Variants in RNF213 observed in about 807,000 individuals in gnomAD.
RNF213 encodes E3 ubiquitin-protein ligase RNF213.
A neutral mutation model predicts 514.4 loss-of-function variants in RNF213; 341 were observed. That is an observed-to-expected ratio of 0.66 (90% CI 0.61 to 0.73). RNF213 has a LOEUF of 0.73. Among genes scored for constraint, RNF213 ranks in the 30% least tolerant of loss-of-function variants. The pLI is 0.00. For missense variants in RNF213, 5,767 were observed against 6,615.6 expected (o/e 0.87, Z 4.45); for synonymous variants, 2,655 against 2,658.2 (o/e 1.00, Z 0.04).
At chr17:80,334,039 T>A in intron 21 of RNF213, 66 bp from the exon 22 acceptor site, 1 of 1,529,504 alleles carries the variant, frequency 6.5e-7, no homozygotes, top group Non-Finnish European at 8.8e-7. Flanking sequence ...GGTCAGTGCT[T>A]GCAGCTCACA....
At chr17:80,382,749 GA>G (rs1362556810) in intron 57 of RNF213, 2 of 444,532 alleles carry the variant, frequency 4.5e-6, no homozygotes, top group Non-Finnish European at 8.3e-6. Context: ...ATGGGTCTAA[GA>G]TTACAATTAT....
chr17:80,347,884 G>A lies in RNF213; in HGVS notation c.9549G>A (p.Trp3183Ter). Residue 3183 changes from tryptophan to a stop codon, truncating the protein, a stop_gained, in exon 29 of 68, where the codon TGG becomes TGA. Transcript: ENST00000582970. LOFTEE classifies it high-confidence loss of function. This position sits in a 1 kb window ranked among gnomAD's most constrained non-coding sequence, Gnocchi z 7.2. The part of the protein sequence containing the change: ...YLDINTVLEK[W>*]QKSIVEELCA... Reference sequence around the variant, plus strand: ...ATATCAACACGGTGCTGGAGAAATGGCAGAAGAGCATCGTGGAGGAGCTCT... The same window carrying A: ...ATATCAACACGGTGCTGGAGAAATGACAGAAGAGCATCGTGGAGGAGCTCT... 2 of 1,614,250 alleles carry A rather than the reference G, an allele frequency of 1.2e-6. No homozygotes were observed. The highest frequency in any genetic ancestry group is 1.7e-6 in the Non-Finnish European group (2 of 1,180,044).
intron 14 of RNF213, 27 bp from the exon 15 acceptor site, chr17:80,312,985 C>T (rs757641527): frequency 1.9e-6 from 3 of 1,613,478 alleles, no homozygotes; most frequent in Non-Finnish European, 2.5e-6. Flanking sequence ...CCGAGGATGA[C>T]TGACCCTCCC....
At position 80,363,205 on chromosome 17, in the gene RNF213, G is replaced by A. The variant is rs139929030; in HGVS notation, c.11459G>A (p.Arg3820His). 15 of 1,614,052 alleles carry A rather than the reference G, an allele frequency of 9.3e-6. No homozygotes were observed. Among genetic ancestry groups the A allele is most frequent in the Non-Finnish European group, 1.1e-5 (13 of 1,180,030 alleles). The change falls in exon 40 of 68, where the codon CGT (arginine) becomes CAT (histidine). Residue 3820 changes from arginine to histidine, a missense_variant. Physicochemically the swap from Arg to His is conservative, Grantham distance 29. Transcript: ENST00000582970. ...CCGTGGGTGCACCTTGCCTACCAGC[G>A]TTTCAGAAGCCGTCTGCAGAACTTT... ...SLPWVHLAYQ[R>H]FRSRLQNFSR...
rs115246536 is a variant in RNF213, at chr17:80,359,885, C to T, written c.11055-176C>T. ...AACAAAGATTGCATAAGACAGTTCCCTAGTTCTGTCATAACAGAAACCCTG... is the reference window on the plus strand; with the variant it reads ...AACAAAGATTGCATAAGACAGTTCCTTAGTTCTGTCATAACAGAAACCCTG... On this transcript the variant is annotated intron_variant, in intron 37 of 67. Transcript: ENST00000582970. 4.9e-3 allele frequency among the ~76,000 whole-genome samples: 749 copies of T among 152,304 alleles called. 3 individuals carry two copies. The highest frequency in any genetic ancestry group is 0.017 in the African/African-American group (706 of 41,560).
At chr17:80,291,522 C>A in intron 7 of RNF213, 106 bp from the exon 8 acceptor site, 1 of 1,170,080 alleles carries the variant, frequency 8.5e-7, no homozygotes, top group Non-Finnish European at 1.3e-6. Context: ...TGAACCCAGC[C>A]TTGCCACATC....
In RNF213 at chr17:80,287,966, CCCAGCAGAGTGGCCCCACTGG is replaced by C; in HGVS notation, c.419_439del (p.Gln140_Gln146del). ...GACACAGCCCTGCCCCACAGCCAAG[CCCAGCAGAGTGGCCCCACTGG>C]CCAGCCGAGCCAGCCCCCAGGCACA... On this transcript the variant is annotated inframe_deletion, in exon 4 of 68. Transcript: ENST00000582970. The C allele has an allele frequency of 6.4e-7, 1 of 1,573,972 alleles. No individual in the cohort carries two copies. The highest frequency in any genetic ancestry group is 8.6e-7 in the Non-Finnish European group (1 of 1,159,930).
rs1056261241 is a variant in RNF213 at position 80,339,586 on chromosome 17, A to G, written c.5219A>G (p.Asp1740Gly). 2.5e-5 allele frequency: 38 copies of G among 1,537,094 alleles called. 1 individual carries two copies. The Admixed American group carries it at 6.5e-4, about 26-fold the overall frequency. Residue 1740 changes from aspartate to glycine, a missense_variant, in exon 26 of 68, where the codon GAT becomes GGT. This residue lies in a region of RNF213 where 1,377 missense variants were observed against 1,635.2 expected (regional missense o/e 0.84). Coordinates refer to ENST00000582970, the MANE Select transcript of RNF213 (RefSeq NM_001256071.3). ...ATCAAAAGCAACTGCACCCTGAGGG[A>G]TGTCTTAAGGGCCTCTGTGGGGTGT... ...SFIKSNCTLR[D>G]VLRASVGCGS...
chr17:80,351,984 A>G, intron 32 of RNF213, 181 bp downstream of exon 32: 1 of 481,026 alleles, frequency 2.1e-6, no homozygotes, highest in Non-Finnish European at 3.8e-6. Context: ...CCTCCCAAGT[A>G]GCTGGCATTA....
At chr17:80,321,702 G>A (rs1347606820) in intron 17 of RNF213, among the ~76,000 whole-genome samples, 2 of 152,088 alleles carry the variant, frequency 1.3e-5, no homozygotes, top group African/African-American at 4.8e-5. Context: ...ATCCTGGTGG[G>A]TATGAAGTGG....
In RNF213 at chr17:80,381,513, C is replaced by G. The variant is rs376547997; in HGVS notation, c.13798-34C>G. On this transcript the variant is annotated intron_variant, in intron 56 of 67. Coordinates refer to ENST00000582970, the MANE Select transcript of RNF213 (RefSeq NM_001256071.3). The stretch of plus-strand genomic sequence containing the variant: ...TCACCATCTTCTCTACAAACCAGAT[C>G]CCCGCTGAACACTCTGTTCCGTTGC... 4.0e-5 allele frequency: 64 copies of G among 1,610,516 alleles called. No homozygotes were observed. The African/African-American group carries it at 6.9e-4, about 17-fold the overall frequency.
chr17:80,337,441 G>C, intron 23 of RNF213, 145 bp from the exon 24 acceptor site: 1 of 1,047,786 alleles, frequency 9.5e-7, no homozygotes. Context: ...CTGGGGCGCT[G>C]GGTGGGCGAC....
chr17:80,335,210 G>A (rs995494869), intron 22 of RNF213, among the ~76,000 whole-genome samples: 8 of 152,180 alleles, frequency 5.3e-5, no homozygotes, highest in South Asian at 2.1e-4. Context: ...AAGTACAGGC[G>A]TGAGCCACCG....
chr17:80,385,521 A>G lies in RNF213; in HGVS notation c.14456-17A>G. ...GGTTGCTATCATACGGTTCTTACCA[A>G]GTATTCTGTTCAACAGATGGGTTGA... On this transcript the variant is annotated splice_polypyrimidine_tract_variant and intron_variant, in intron 60 of 67. Transcript: ENST00000582970. 1 of 1,612,382 alleles carries G rather than the reference A, an allele frequency of 6.2e-7. No individual in the cohort carries two copies. The highest frequency in any genetic ancestry group is 8.5e-7 in the Non-Finnish European group (1 of 1,178,450).
chr17:80,380,760 G>A, intron 55 of RNF213, 71 bp from the exon 56 acceptor site: 1 of 1,562,660 alleles, frequency 6.4e-7, no homozygotes, highest in Non-Finnish European at 8.8e-7. Flanking sequence ...CTCACTCCAA[G>A]TGCTGAGAAA....
rs149665301 is a variant in RNF213 at position 80,305,457 on chromosome 17, C to T, written c.2211-795C>T. On this transcript the variant is annotated intron_variant, in intron 11 of 67. Coordinates refer to ENST00000582970, the MANE Select transcript of RNF213 (RefSeq NM_001256071.3). Reference sequence around the variant, plus strand: ...CCTCCCAAAGTGCTGGGATTACAGACGTGAGCCACTGCGCCCGGCCTGATT... The same window carrying T: ...CCTCCCAAAGTGCTGGGATTACAGATGTGAGCCACTGCGCCCGGCCTGATT... Among the ~76,000 whole-genome samples, 524 of 151,932 alleles carry T rather than the reference C, an allele frequency of 3.4e-3. 4 individuals carry two copies. The highest frequency in any genetic ancestry group is 0.012 in the African/African-American group (499 of 41,440).
At chr17:80,341,755 A>G (rs1359452723) in intron 26 of RNF213, 1 of 152,206 alleles carries the variant, frequency 6.6e-6, no homozygotes, top group Non-Finnish European at 1.5e-5. Flanking sequence ...AAAGAGAAAG[A>G]AAGAAAGAAC....
At chr17:80,318,763 C>T (rs181691413) in intron 16 of RNF213, among the ~76,000 whole-genome samples, 23 of 152,040 alleles carry the variant, frequency 1.5e-4, no homozygotes, top group South Asian at 6.2e-4. Context: ...TTTGTAGAGA[C>T]GGGGTTTCAC....
In RNF213 at chr17:80,340,005, C is replaced by T. The variant is rs538606943; in HGVS notation, c.5638C>T (p.Arg1880Cys). ...TGAGGAGGTGGCACTGTTGCTGCGC[C>T]GCTGCCTGACCCTGGGCTCCCTGGG... The part of the protein sequence containing the change: ...TFEEVALLLR[R>C]CLTLGSLGHK... The change falls in exon 26 of 68, where the codon CGC becomes TGC. Residue 1880 changes from arginine (R) to cysteine (C), a missense_variant. Physicochemically the swap from Arg to Cys is radical, Grantham distance 180. This residue lies in a region of RNF213 where 1,377 missense variants were observed against 1,635.2 expected (regional missense o/e 0.84). Transcript: ENST00000582970. 1.1e-5 allele frequency: 17 copies of T among 1,539,376 alleles called. No homozygotes were observed. Among genetic ancestry groups the T allele is most frequent in the South Asian group, 4.7e-5 (4 of 84,218 alleles).
Sources: gnomAD v4.1 joint callset for allele counts (sites outside exome capture counted in the v4.1 genomes callset) on GRCh38, gnomAD v4.1.1 for gene constraint, gnomAD v4.1.1 regional missense constraint, Gnocchi (gnomAD v3.1) non-coding constraint, MANE v1.5 for transcripts, NCBI Gene and HGNC (gene_info 2026-07-23, HGNC 2026-07-21) for gene names.